Variants in CDH12 observed in about 807,000 individuals in gnomAD.
CDH12 encodes the protein cadherin 12, also known as cadherin-12.
Under a neutral mutation model 74.1 loss-of-function variants are expected in CDH12, and 41 were observed. The ratio of observed to expected loss-of-function variants is 0.55; its 90% CI spans 0.43 to 0.72. The LOEUF (loss-of-function observed/expected upper bound fraction) is 0.72, where lower values mean the gene tolerates loss of function less well. Ranked by LOEUF, CDH12 falls within the 30% of genes least tolerant of loss-of-function variation. CDH12 has a pLI of 0.00. For synonymous variants in CDH12, 399 were observed against 355.0 expected (o/e 1.12, Z -1.39); for missense variants, 945 against 977.2 (o/e 0.97, Z 0.44).
chr5:22,473,276 A>T (rs967218734), intron 2 of CDH12, among the ~76,000 whole-genome samples: 2 of 152,114 alleles, frequency 1.3e-5, no homozygotes, highest in Non-Finnish European at 2.9e-5. Flanking sequence ...ATCACTCTTT[A>T]TATACTTACA....
chr5:22,296,669 G>A (rs1737636329), intron 3 of CDH12, among the ~76,000 whole-genome samples: 1 of 152,066 alleles, frequency 6.6e-6, no homozygotes, highest in Non-Finnish European at 1.5e-5. Flanking sequence ...AAATATACAT[G>A]CTATCTAATT....
intron 1 of CDH12, among the ~76,000 whole-genome samples, chr5:22,558,240 G>C (rs974625429): frequency 6.6e-6 from 1 of 152,028 alleles, no homozygotes; most frequent in African/African-American, 2.4e-5. Context: ...TACAAGGAAA[G>C]TTGGAAATGG....
In CDH12 at chr5:22,034,094, A is replaced by G. The variant is rs368476823; in HGVS notation, c.231+44352T>C. 5.5e-4 allele frequency among the ~76,000 whole-genome samples: 84 copies of G among 152,240 alleles called. 1 individual carries two copies. The East Asian group carries it at 0.01, about 19-fold the overall frequency. ...AACCTCACTCTGTCATCCAGGCTGG[A>G]GTGCATTGGTGCTATCTCGGCTCAC... is the stretch of plus-strand genomic sequence containing the variant. On this transcript the variant is annotated intron_variant, in intron 5 of 14. Coordinates refer to ENST00000382254, the MANE Select transcript of CDH12 (RefSeq NM_004061.5).
intron 14 of CDH12, among the ~76,000 whole-genome samples, chr5:21,754,381 C>T (rs926675490): frequency 1.3e-5 from 2 of 152,072 alleles, no homozygotes; most frequent in African/African-American, 4.8e-5. Flanking sequence ...ATGTTAAACA[C>T]CTAAATGATC....
chr5:22,303,379 AAAC>A (rs1190601911), intron 3 of CDH12, among the ~76,000 whole-genome samples: 1 of 152,134 alleles, frequency 6.6e-6, no homozygotes, highest in Non-Finnish European at 1.5e-5. Flanking sequence ...TTACATCATT[AAAC>A]AACAAACAAA....
intron 1 of CDH12, among the ~76,000 whole-genome samples, chr5:22,518,943 A>G (rs1490466792): frequency 1.3e-5 from 2 of 152,102 alleles, no homozygotes; most frequent in Non-Finnish European, 2.9e-5. Context: ...TCCCTGTAGG[A>G]CTGCCTGACA....
intron 6 of CDH12, among the ~76,000 whole-genome samples, chr5:21,959,655 A>G (rs1265194807): frequency 6.6e-6 from 1 of 151,600 alleles, no homozygotes; most frequent in East Asian, 1.9e-4. Flanking sequence ...CACACCTGTA[A>G]TCCCAGCACT....
chr5:22,596,859 C>T (rs929212740), intron 1 of CDH12, among the ~76,000 whole-genome samples: 3 of 152,126 alleles, frequency 2.0e-5, no homozygotes, highest in African/African-American at 7.2e-5. Flanking sequence ...AGAACTGTTA[C>T]TCTTATTTCA....
Position 22,078,458 on chromosome 5 carries a change from C to G in CDH12, c.219G>C (p.Gln73His), listed in dbSNP as rs2150225318. The change falls in exon 5 of 15, where the codon CAG becomes CAC. Residue 73 changes from glutamine (Q) to histidine (H), a missense_variant. Physicochemically the swap from Gln to His is conservative, Grantham distance 24. This residue lies in a region of CDH12 where 148 missense variants were observed against 162.8 expected (regional missense o/e 0.91). Transcript: ENST00000382254. ...VLEEYVGSEPQYVGKLHSDLD... is the reference protein window; with the variant it reads ...VLEEYVGSEPHYVGKLHSDLD... ...AATACGCCATTACCTTTCCCACATA[C>G]TGAGGCTCGGAGCCCACGTATTCTT... The G allele has an allele frequency of 1.2e-6, 2 of 1,613,620 alleles. No homozygotes were observed. The highest frequency in any genetic ancestry group is 1.7e-6 in the Non-Finnish European group (2 of 1,179,648).
In CDH12 at chr5:21,755,841, G is replaced by C. The variant is rs565764305; in HGVS notation, c.1635C>G (p.Asn545Lys). 6.2e-7 allele frequency: 1 copy of C among 1,613,802 alleles called. No individual in the cohort carries two copies. The highest frequency in any genetic ancestry group is 1.1e-5 in the South Asian group (1 of 91,068). The stretch of plus-strand genomic sequence containing the variant: ...TTCGGGTTTCAATCCCCGCTGTGTT[G>C]TCTACAAAACATGACATTTATGGTA... ...KPNFTVRDFR[N>K]NTAGIETRRN... The change falls in exon 14 of 15, where the codon AAC (asparagine) becomes AAG (lysine). Residue 545 changes from asparagine to lysine, a missense_variant and splice_region_variant. Physicochemically the swap from Asn to Lys is moderately conservative, Grantham distance 94 (BLOSUM62 0). Coordinates refer to ENST00000382254, the MANE Select transcript of CDH12 (RefSeq NM_004061.5).
At chr5:21,883,535 T>C (rs1752471110) in intron 6 of CDH12, 2 of 1,612,070 alleles carry the variant, frequency 1.2e-6, no homozygotes, top group East Asian at 2.2e-5. Flanking sequence ...AACTTAAAGA[T>C]ATGGCTATTG....
At chr5:21,915,856 G>GTA (rs1561296307) in intron 6 of CDH12, among the ~76,000 whole-genome samples, 2 of 150,056 alleles carry the variant, frequency 1.3e-5, no homozygotes, top group Non-Finnish European at 2.9e-5. Context: ...GTGTGTGTGT[G>GTA]TGTGTTCATG....
chr5:22,021,748 T>C (rs1329658927), intron 5 of CDH12, among the ~76,000 whole-genome samples: 1 of 152,192 alleles, frequency 6.6e-6, no homozygotes, highest in African/African-American at 2.4e-5. Context: ...ATGTATAGAT[T>C]GTGTTGGCTT....
chr5:22,340,490 C>T (rs1345343720), intron 3 of CDH12, among the ~76,000 whole-genome samples: 1 of 148,972 alleles, frequency 6.7e-6, no homozygotes, highest in African/African-American at 2.5e-5. Context: ...CGCACCACTG[C>T]ACTCCAGCCT....
chr5:22,575,639 A>G (rs1297865648), intron 1 of CDH12, among the ~76,000 whole-genome samples: 1 of 152,044 alleles, frequency 6.6e-6, no homozygotes, highest in Non-Finnish European at 1.5e-5. Context: ...ATCTCGGATC[A>G]CTACAACGTC....
At chr5:22,252,550 C>G (rs79740849) in intron 3 of CDH12, among the ~76,000 whole-genome samples, 1 of 152,052 alleles carries the variant, frequency 6.6e-6, no homozygotes, top group South Asian at 2.1e-4. Context: ...AAAGTTTATA[C>G]TTTATATTAC....
chr5:22,088,962 C>G (rs1354897954), intron 4 of CDH12, among the ~76,000 whole-genome samples: 1 of 152,116 alleles, frequency 6.6e-6, no homozygotes, highest in East Asian at 1.9e-4. Context: ...AAACTTCATA[C>G]CAAATACTGA....
chr5:22,784,811 A>G (rs1411727683), intron 1 of CDH12, among the ~76,000 whole-genome samples: 1 of 152,184 alleles, frequency 6.6e-6, no homozygotes, highest in Admixed American at 6.5e-5. Flanking sequence ...TTAATTGTAA[A>G]GTATACCTTT....
At chr5:22,531,996 C>A (rs1737605631) in intron 1 of CDH12, among the ~76,000 whole-genome samples, 1 of 152,032 alleles carries the variant, frequency 6.6e-6, no homozygotes, top group South Asian at 2.1e-4. Flanking sequence ...TGGGGATTAT[C>A]AGAGGAATCT....
Sources: allele counts gnomAD v4.1 joint callset (sites outside exome capture counted in the v4.1 genomes callset), GRCh38; gene constraint gnomAD v4.1.1; regional missense constraint gnomAD v4.1.1; transcripts MANE v1.5; gene names NCBI Gene and HGNC (gene_info 2026-07-23, HGNC 2026-07-21).